The following HIGD2B variants were observed in gnomAD, a reference collection of about 807,000 sequenced individuals.
HIGD2B encodes HIG1 hypoxia inducible domain family member 2B.
For missense variants in HIGD2B, 106 were observed against 67.0 expected, an observed-to-expected ratio of 1.58 and a Z score of -2.03; for synonymous variants, 45 against 28.1, an observed-to-expected ratio of 1.60 and a Z score of -1.90.
intron 1 of HIGD2B, chr15:72,682,116 T>C (rs559531953): frequency 6.6e-6 from 1 of 152,342 alleles, no homozygotes; most frequent in African/African-American, 2.4e-5. Context: ...TATAAATCTT[T>C]GTTTTCTTGA....
rs2064820149 is a variant in HIGD2B at position 72,685,922 on chromosome 15, C to T, written c.-297G>A. 1.9e-6 allele frequency: 1 copy of T among 525,486 alleles called. No homozygotes were observed. The highest frequency in any genetic ancestry group is 3.2e-5 in the Admixed American group (1 of 31,108). The allele number at this position is 525,486 out of a possible 1,614,324, so 32.6% of individuals were successfully genotyped here. ...TAAGGTGGCGGGAGAACTAGGCTGC[C>T]ATCCCAGGTGGCTGGCCTACCAGCC... On this transcript the variant is annotated 5_prime_UTR_variant, in exon 1 of 3. It removes an upstream start codon present in the reference 5' UTR. Coordinates refer to ENST00000311755, the MANE Select transcript of HIGD2B (RefSeq NM_001350932.3).
At chr15:72,683,103 T>C (rs2064766647) in intron 1 of HIGD2B, among the ~76,000 whole-genome samples, 1 of 152,254 alleles carries the variant, frequency 6.6e-6, no homozygotes. Context: ...GAGGAGTTTT[T>C]CTAGAATGTT....
chr15:72,677,940 G>T (rs1163276085), intron 2 of HIGD2B, among the ~76,000 whole-genome samples: 1 of 151,954 alleles, frequency 6.6e-6, no homozygotes, highest in Non-Finnish European at 1.5e-5. Flanking sequence ...TTGCATTCTT[G>T]CTCTGATTGA....
intron 1 of HIGD2B, among the ~76,000 whole-genome samples, chr15:72,683,759 T>C (rs938592789): frequency 3.3e-5 from 5 of 152,122 alleles, no homozygotes; most frequent in South Asian, 4.1e-4. Context: ...GAGGATCACT[T>C]GAGCCTGGGA....
chr15:72,679,070 A>AGAAG (rs2064721837), intron 2 of HIGD2B, among the ~76,000 whole-genome samples: 1 of 151,830 alleles, frequency 6.6e-6, no homozygotes, highest in South Asian at 2.1e-4. Flanking sequence ...GAAAAAAAAA[A>AGAAG]GAAGGAAAGA....
intron 2 of HIGD2B, among the ~76,000 whole-genome samples, chr15:72,676,971 G>C (rs909711572): frequency 6.6e-6 from 1 of 152,188 alleles, no homozygotes; most frequent in African/African-American, 2.4e-5. Flanking sequence ...TAAAAGTGGG[G>C]AAGTCTAAAT....
intron 1 of HIGD2B, among the ~76,000 whole-genome samples, chr15:72,683,497 G>A (rs771242592): frequency 3.5e-5 from 5 of 141,874 alleles, no homozygotes; most frequent in Non-Finnish European, 7.5e-5. Context: ...CCAGTGTTGC[G>A]TAGTAACCCC....
intron 2 of HIGD2B, 21 bp from the exon 3 acceptor site, chr15:72,676,408 T>C (rs771481698): frequency 1.4e-5 from 5 of 349,906 alleles, no homozygotes; most frequent in African/African-American, 8.3e-5. Flanking sequence ...AAATCCTTTG[T>C]TTTTTTTTTT....
chr15:72,680,670 T>C (rs1336350890), intron 1 of HIGD2B, among the ~76,000 whole-genome samples: 1 of 152,186 alleles, frequency 6.6e-6, no homozygotes, highest in Non-Finnish European at 1.5e-5. Flanking sequence ...GCAGACCACC[T>C]GAGCTCAGGA....
chr15:72,682,638 G>A (rs1169698107), intron 1 of HIGD2B: 1 of 153,224 alleles, frequency 6.5e-6, no homozygotes, highest in African/African-American at 2.4e-5. Flanking sequence ...GGAGGTTGCA[G>A]TGAGCTGAGA....
chr15:72,684,227 T>C (rs1038653511), intron 1 of HIGD2B, among the ~76,000 whole-genome samples: 3 of 152,206 alleles, frequency 2.0e-5, no homozygotes, highest in African/African-American at 7.2e-5. Context: ...GTGGCTCCGT[T>C]ACAGAATTTT....
intron 2 of HIGD2B, among the ~76,000 whole-genome samples, chr15:72,679,028 AAAGG>A (rs59157427): frequency 0.46 from 68,144 of 147,938 alleles, 19,481 homozygotes; most frequent in Middle Eastern, 0.65. Flanking sequence ...AAGAAAAAGA[AAAGG>A]AAGGAAGGAA....
intron 1 of HIGD2B, chr15:72,682,388 G>T: frequency 4.5e-6 from 1 of 223,632 alleles, no homozygotes; most frequent in South Asian, 7.8e-5. Flanking sequence ...CTGATATGAA[G>T]GACATTATTA....
At chr15:72,676,817 G>A (rs2064697661) in intron 2 of HIGD2B, among the ~76,000 whole-genome samples, 1 of 152,126 alleles carries the variant, frequency 6.6e-6, no homozygotes, top group Non-Finnish European at 1.5e-5. Flanking sequence ...ATGGGGAGGT[G>A]GTGGGAAGGA....
rs61528429 is a variant in HIGD2B at position 72,676,181 on chromosome 15, T to C, written c.194A>G (p.Tyr65Cys). Residue 65 changes from tyrosine (Y) to cysteine (C), a missense_variant, in exon 3 of 3, where the codon TAC becomes TGC. Tyr to Cys is a radical substitution (Grantham distance 194). Transcript: ENST00000311755. Reference sequence around the variant, plus strand: ...TTGGCTGTTGCCCTGGTGGAAGCAGTAGAGGCCGTTGGTGAGGACGGCCGC... The same window carrying C: ...TTGGCTGTTGCCCTGGTGGAAGCAGCAGAGGCCGTTGGTGAGGACGGCCGC... ...CTAAVLTNGL[Y>C]CFHQGNSQCS... The C allele has an allele frequency of 0.019, 14,682 of 763,068 alleles. 1,008 individuals are homozygous for C. Among genetic ancestry groups the C allele is most frequent in the African/African-American group, 0.17 (9,980 of 59,104 alleles). The allele number at this position is 763,068 out of a possible 1,614,324, so 47.3% of individuals were successfully genotyped here.
intron 2 of HIGD2B, among the ~76,000 whole-genome samples, chr15:72,678,009 C>G (rs192277570): frequency 6.6e-6 from 1 of 152,286 alleles, no homozygotes; most frequent in Admixed American, 6.5e-5. Flanking sequence ...TTCCTCAACT[C>G]ATTATTTTCC....
At chr15:72,680,880 C>T (rs547467688) in intron 1 of HIGD2B, among the ~76,000 whole-genome samples, 28 of 149,852 alleles carry the variant, frequency 1.9e-4, no homozygotes, top group Admixed American at 1.8e-3. Flanking sequence ...GAAATTCTGT[C>T]TCAAAAAAAA....
At chr15:72,681,164 G>C (rs2064745649) in intron 1 of HIGD2B, among the ~76,000 whole-genome samples, 1 of 152,090 alleles carries the variant, frequency 6.6e-6, no homozygotes, top group African/African-American at 2.4e-5. Flanking sequence ...TAGTCTCCGT[G>C]GCCCTGTACT....
At chr15:72,683,079 TG>T (rs2064766274) in intron 1 of HIGD2B, among the ~76,000 whole-genome samples, 1 of 152,252 alleles carries the variant, frequency 6.6e-6, no homozygotes, top group Admixed American at 6.5e-5. Context: ...TTTTATCATT[TG>T]GTGGAAATAA....
Sources: allele counts gnomAD v4.1 joint callset (sites outside exome capture counted in the v4.1 genomes callset), GRCh38; gene constraint gnomAD v4.1.1; transcripts MANE v1.5; gene names NCBI Gene and HGNC (gene_info 2026-07-23, HGNC 2026-07-21).